Variants in SLC11A2 observed in about 807,000 individuals in gnomAD.
The protein encoded by SLC11A2 is solute carrier family 11 member 2.
SLC11A2 carries 38 observed loss-of-function variants against 68.0 expected under a neutral mutation model. The ratio of observed to expected loss-of-function variants is 0.56; its 90% confidence interval spans 0.43 to 0.73. The LOEUF (loss-of-function observed/expected upper bound fraction) is 0.73, where lower values mean the gene tolerates loss of function less well. Among genes scored for constraint, SLC11A2 ranks in the 30% least tolerant of loss-of-function variants. The pLI, the probability that SLC11A2 is intolerant of heterozygous loss-of-function variation, is 0.00. For missense variants in SLC11A2, 517 were observed against 690.5 expected (o/e 0.75, Z 2.82); for synonymous variants, 242 against 250.6 (o/e 0.97, Z 0.32).
intron 5 of SLC11A2, chr12:51,000,623 C>T (rs1044686766): frequency 1.3e-5 from 8 of 605,764 alleles, no homozygotes; most frequent in African/African-American, 9.2e-5. Flanking sequence ...TGTGCTACCA[C>T]GTGGCAGAAC....
At chr12:51,026,129 A>C in intron 1 of SLC11A2, 181 bp downstream of exon 1, 2 of 1,097,374 alleles carry the variant, frequency 1.8e-6, no homozygotes. Flanking sequence ...CGACTCCATC[A>C]GTCCTGGACT....
chr12:50,996,744 T>C, intron 9 of SLC11A2, 73 bp downstream of exon 9: 2 of 1,461,494 alleles, frequency 1.4e-6, no homozygotes, highest in Non-Finnish European at 1.9e-6. Flanking sequence ...AAACTAACTT[T>C]GTGTCCCTTG....
the SLC11A2 span, among the ~76,000 whole-genome samples, chr12:50,969,702 CAAA>C: frequency 8.9e-6 from 1 of 112,758 alleles, no homozygotes; most frequent in Admixed American, 9.1e-5. Flanking sequence ...GACTCCATCT[CAAA>C]AAAAAAAAAA....
the SLC11A2 span, among the ~76,000 whole-genome samples, chr12:50,967,283 C>T: frequency 1.3e-5 from 2 of 152,198 alleles, no homozygotes; most frequent in South Asian, 2.1e-4. Context: ...AGAGCTGGGA[C>T]TACAGGTATG....
At chr12:50,959,809 G>A in the SLC11A2 span, among the ~76,000 whole-genome samples, 327 of 152,056 alleles carry the variant, frequency 2.2e-3, no homozygotes, top group Admixed American at 6.4e-3. Flanking sequence ...CACCACGCCC[G>A]GCTAATTTTT....
intron 1 of SLC11A2, among the ~76,000 whole-genome samples, chr12:51,018,197 C>A (rs957760593): frequency 6.6e-6 from 1 of 152,056 alleles, no homozygotes; most frequent in Non-Finnish European, 1.5e-5. Flanking sequence ...GAGGTCGAGA[C>A]CAGCCTGGCC....
At chr12:51,008,766 AGTTT>A (rs1942961246) in intron 2 of SLC11A2, 142 bp from the exon 3 acceptor site, 1 of 683,386 alleles carries the variant, frequency 1.5e-6, no homozygotes, top group Non-Finnish European at 2.5e-6. Flanking sequence ...TATTTTGAAT[AGTTT>A]ATTTTTAATG....
At position 50,993,992 on chromosome 12, in the gene SLC11A2, C is replaced by CAAAAAAAA. The variant is rs71663850; in HGVS notation, c.1077+544_1077+551dup. Among the ~76,000 whole-genome samples, 148 of 48,396 alleles carry CAAAAAAAA rather than the reference C, an allele frequency of 3.1e-3. 8 individuals carry two copies. Among genetic ancestry groups the CAAAAAAAA allele is most frequent in the African/African-American group, 0.011 (144 of 13,198 alleles). The allele number at this position is 48,396 out of a possible 152,430, so 31.7% of individuals were successfully genotyped here. On this transcript the variant is annotated intron_variant, in intron 11 of 15. Transcript: ENST00000262052. The stretch of plus-strand genomic sequence containing the variant: ...GGGCAACAGAGCAAGACCTTGTCTC[C>CAAAAAAAA]AAAAAAAAAAAAAAAAAAAAAAAAA...
rs1200385494 is a variant in SLC11A2 at position 50,996,901 on chromosome 12, G to A, written c.747C>T (p.Arg249=). 4 of 1,613,832 alleles carry A rather than the reference G, an allele frequency of 2.5e-6. No homozygotes were observed. In the Admixed American group the frequency reaches 5.0e-5, roughly 20 times the overall value. ...GMFVPSCSGC[R]TPQIEQAVGI... ...CCACAGCCTGTTCAATCTGTGGAGTGCGACAGCCTGAACAGGATGGTACGA... is the reference window on the plus strand; with the variant it reads ...CCACAGCCTGTTCAATCTGTGGAGTACGACAGCCTGAACAGGATGGTACGA... The change falls in exon 9 of 16, where the codon CGC becomes CGT. Residue 249 remains arginine (R), a synonymous_variant. Coordinates refer to ENST00000262052, the MANE Select transcript of SLC11A2 (RefSeq NM_000617.3).
chr12:51,000,306 C>T lies in SLC11A2; in HGVS notation c.536+7G>A. ...CACTGATGACTTTCTAGAGGAAAAC[C>T]CCTCACCTTCCTACAGACAGAAGAT... is the stretch of plus-strand genomic sequence containing the variant. On this transcript the variant is annotated splice_region_variant and intron_variant, in intron 6 of 15. Transcript: ENST00000262052. The T allele has an allele frequency of 1.3e-6, 2 of 1,591,954 alleles. No individual in the cohort carries two copies. Among genetic ancestry groups the T allele is most frequent in the African/African-American group, 1.3e-5 (1 of 74,614 alleles).
the SLC11A2 span, chr12:50,954,195 A>G: frequency 4.3e-6 from 3 of 696,292 alleles, no homozygotes; most frequent in Non-Finnish European, 2.5e-6. Flanking sequence ...GAATTTTTTC[A>G]GATAATTGAA....
At chr12:50,993,992 C>CAAAAAAAAAAAAAAAAA (rs71663850) in intron 11 of SLC11A2, among the ~76,000 whole-genome samples, 76 of 48,398 alleles carry the variant, frequency 1.6e-3, no homozygotes, top group Non-Finnish European at 2.4e-3. Context: ...ACCTTGTCTC[C>CAAAAAAAAAAAAAAAAA]AAAAAAAAAA....
chr12:50,999,012 A>G (rs1009246836), intron 8 of SLC11A2, among the ~76,000 whole-genome samples, 162 bp downstream of exon 8: 2 of 152,098 alleles, frequency 1.3e-5, no homozygotes, highest in Non-Finnish European at 2.9e-5. Context: ...GCTATAGATC[A>G]TATTCCTTTA....
chr12:51,003,764 C>CAA (rs34667457), intron 5 of SLC11A2, among the ~76,000 whole-genome samples: 144 of 66,760 alleles, frequency 2.2e-3, no homozygotes, highest in African/African-American at 4.7e-3. Context: ...CTCATCTCCA[C>CAA]AAAAAAAAAA....
At chr12:50,954,836 T>C in the SLC11A2 span, among the ~76,000 whole-genome samples, 1 of 152,176 alleles carries the variant, frequency 6.6e-6, no homozygotes, top group Non-Finnish European at 1.5e-5. Context: ...TGTGGGTCAA[T>C]TCAGAGGAAA....
At chr12:50,958,489 GC>G in the SLC11A2 span, among the ~76,000 whole-genome samples, 1 of 150,682 alleles carries the variant, frequency 6.6e-6, no homozygotes, top group African/African-American at 2.4e-5. Flanking sequence ...CTCTGTGTTA[GC>G]CAGGATGGTC....
At chr12:50,994,270 C>T (rs1210125995) in intron 11 of SLC11A2, among the ~76,000 whole-genome samples, 1 of 152,116 alleles carries the variant, frequency 6.6e-6, no homozygotes, top group Non-Finnish European at 1.5e-5. Context: ...TGGTCTTGAA[C>T]TCCTGAGCTC....
At chr12:51,009,006 T>C in intron 2 of SLC11A2, 1 of 719,920 alleles carries the variant, frequency 1.4e-6, no homozygotes, top group Non-Finnish European at 2.4e-6. Flanking sequence ...GCTCAAAATA[T>C]CATATTCCCA....
At chr12:50,978,658 T>G (rs1294317636), downstream of SLC11A2, among the ~76,000 whole-genome samples, 1 of 151,822 alleles carries the variant, frequency 6.6e-6, no homozygotes, top group Non-Finnish European at 1.5e-5. Flanking sequence ...AAAAAAAATG[T>G]AAAATCACAT....
Sources: gnomAD v4.1 joint callset for allele counts (sites outside exome capture counted in the v4.1 genomes callset) on GRCh38, gnomAD v4.1.1 for gene constraint, MANE v1.5 for transcripts, NCBI Gene and HGNC (gene_info 2026-07-23, HGNC 2026-07-21) for gene names.